ADARB2: variants seen among roughly 807,000 people sequenced by gnomAD.
ADARB2 encodes the protein adenosine deaminase RNA specific B2 (inactive).
In ADARB2, 25 loss-of-function variants were observed where a neutral mutation model predicts 62.2. The ratio of observed to expected loss-of-function variants is 0.40; its 90% CI spans 0.29 to 0.56. ADARB2 has a LOEUF of 0.56. Ranked by LOEUF, ADARB2 falls within the 20% of genes least tolerant of loss-of-function variation. ADARB2 has a pLI of 0.43. For missense variants in ADARB2, 1,071 were observed against 1,077.4 expected (o/e 0.99, Z 0.08); for synonymous variants, 572 against 500.8 (o/e 1.14, Z -1.90).
intron 1 of ADARB2, among the ~76,000 whole-genome samples, chr10:1,698,345 T>G (rs1172520868): frequency 6.6e-6 from 1 of 152,162 alleles, no homozygotes; most frequent in Non-Finnish European, 1.5e-5. Flanking sequence ...ACTCTGACCT[T>G]TGAGAGCCAC....
intron 5 of ADARB2, among the ~76,000 whole-genome samples, chr10:1,235,298 C>T (rs1319646363): frequency 2.3e-5 from 3 of 130,558 alleles, no homozygotes; most frequent in Non-Finnish European, 4.9e-5. Flanking sequence ...TTTCCTTCTG[C>T]ATCCAGCCAT....
intron 1 of ADARB2, among the ~76,000 whole-genome samples, chr10:1,504,154 T>A (rs532595286): frequency 6.6e-6 from 1 of 152,178 alleles, no homozygotes; most frequent in Non-Finnish European, 1.5e-5. Context: ...AACTGGCTCC[T>A]TCACTTCCAT....
intron 3 of ADARB2, among the ~76,000 whole-genome samples, chr10:1,342,251 G>T (rs1365219017): frequency 6.6e-6 from 1 of 152,126 alleles, no homozygotes; most frequent in African/African-American, 2.4e-5. Context: ...CCCTGTGATA[G>T]ACCCCCTTCC....
intron 1 of ADARB2, among the ~76,000 whole-genome samples, chr10:1,399,709 T>G (rs1395611224): frequency 1.3e-5 from 2 of 152,156 alleles, no homozygotes; most frequent in Non-Finnish European, 2.9e-5. Flanking sequence ...GTAATATTAT[T>G]TGAAGGATGT....
chr10:1,293,654 A>C (rs1027604), intron 3 of ADARB2, among the ~76,000 whole-genome samples: 2 of 152,048 alleles, frequency 1.3e-5, no homozygotes, highest in African/African-American at 4.8e-5. Flanking sequence ...ACCTTTGACA[A>C]AGCTTCCTCT....
chr10:1,226,788 T>C (rs1046916147), intron 6 of ADARB2, among the ~76,000 whole-genome samples: 1 of 152,268 alleles, frequency 6.6e-6, no homozygotes, highest in Non-Finnish European at 1.5e-5. Flanking sequence ...CTTAGAGGAG[T>C]ACCCGGCTGT....
chr10:1,264,131 G>A (rs977165103), intron 4 of ADARB2, among the ~76,000 whole-genome samples: 2 of 151,612 alleles, frequency 1.3e-5, no homozygotes, highest in African/African-American at 4.9e-5. Flanking sequence ...CACATTTCTC[G>A]GTATCCACTT....
At chr10:1,661,881 C>T (rs116261726) in intron 1 of ADARB2, among the ~76,000 whole-genome samples, 2,033 of 152,272 alleles carry the variant, frequency 0.013, 30 homozygotes, top group Middle Eastern at 0.037. Context: ...CTTCCCTCTA[C>T]GGAACCGCAC....
At chr10:1,210,657 G>A (rs1837138687) in intron 7 of ADARB2, among the ~76,000 whole-genome samples, 1 of 152,196 alleles carries the variant, frequency 6.6e-6, no homozygotes, top group South Asian at 2.1e-4. Flanking sequence ...CCTATTTCAC[G>A]TCATGGCCAT....
chr10:1,490,898 G>T (rs893404684), intron 1 of ADARB2, among the ~76,000 whole-genome samples: 1 of 152,174 alleles, frequency 6.6e-6, no homozygotes, highest in Non-Finnish European at 1.5e-5. Flanking sequence ...TCAGCAGATA[G>T]GATGCCATGT....
intron 1 of ADARB2, among the ~76,000 whole-genome samples, chr10:1,450,382 T>C (rs906316409): frequency 1.3e-5 from 2 of 152,230 alleles, no homozygotes; most frequent in African/African-American, 4.8e-5. Context: ...TGTGGCTGCA[T>C]TTTGGTTGCT....
chr10:1,286,456 A>C (rs1340646089), intron 3 of ADARB2, among the ~76,000 whole-genome samples: 2 of 152,336 alleles, frequency 1.3e-5, no homozygotes, highest in Admixed American at 1.3e-4. Context: ...TGTCCAACCA[A>C]ATAGTTCAAA....
chr10:1,244,367 T>C (rs1206865760), intron 4 of ADARB2, among the ~76,000 whole-genome samples: 5 of 152,270 alleles, frequency 3.3e-5, no homozygotes, highest in Non-Finnish European at 5.9e-5. Context: ...CCGGTGCGCA[T>C]GCAGTCTCTG....
chr10:1,293,187 GAC>G (rs1831489107), intron 3 of ADARB2, among the ~76,000 whole-genome samples: 1 of 14,814 alleles, frequency 6.8e-5, no homozygotes, highest in African/African-American at 2.6e-4. Context: ...GGGAGAGAAA[GAC>G]AGGAATAGAA....
chr10:1,692,365 G>C (rs1834684941), intron 1 of ADARB2, among the ~76,000 whole-genome samples: 1 of 152,206 alleles, frequency 6.6e-6, no homozygotes, highest in Non-Finnish European at 1.5e-5. Flanking sequence ...ATTCAGACAA[G>C]GTTAGCTGGG....
chr10:1,228,157 C>G (rs150205532), intron 6 of ADARB2, among the ~76,000 whole-genome samples: 20 of 152,284 alleles, frequency 1.3e-4, no homozygotes, highest in Non-Finnish European at 2.2e-4. Context: ...TTAGAACAAA[C>G]GTACTAGGCT....
At chr10:1,586,016 A>G (rs1833176220) in intron 1 of ADARB2, among the ~76,000 whole-genome samples, 1 of 152,180 alleles carries the variant, frequency 6.6e-6, no homozygotes, top group African/African-American at 2.4e-5. Context: ...CCTGGGTGAC[A>G]GAGCGAGACT....
intron 3 of ADARB2, among the ~76,000 whole-genome samples, chr10:1,357,479 T>C (rs1314550718): frequency 7.7e-6 from 1 of 129,342 alleles, no homozygotes; most frequent in Admixed American, 7.8e-5. Flanking sequence ...GAGGGATGCA[T>C]GGTTTTTTTA....
rs1367156553 is a variant in ADARB2 at position 1,255,220 on chromosome 10, C to CAA, written c.1193-12922_1193-12921insTT. ...GAAATGAATAACTCTGCTGTTTTAA[C>CAA]ACTCATTCTTTTTCCTTCCAAAATG... On this transcript the variant is annotated intron_variant, in intron 4 of 9. Coordinates refer to ENST00000381312, the MANE Select transcript of ADARB2 (RefSeq NM_018702.4). This position sits in a 1 kb window ranked among gnomAD's most constrained non-coding sequence, Gnocchi z 4.7. Among the ~76,000 whole-genome samples the CAA allele has an allele frequency of 6.6e-6, 1 of 152,222 alleles. No homozygotes were observed. The highest frequency in any genetic ancestry group is 1.5e-5 in the Non-Finnish European group (1 of 68,044).
Sources: allele counts gnomAD v4.1 joint callset (sites outside exome capture counted in the v4.1 genomes callset), GRCh38; gene constraint gnomAD v4.1.1; non-coding constraint Gnocchi (gnomAD v3.1); transcripts MANE v1.5; gene names NCBI Gene and HGNC (gene_info 2026-07-23, HGNC 2026-07-21).